The following HEPHL1 variants were observed in gnomAD, a reference collection of about 807,000 sequenced individuals.
HEPHL1 encodes the protein hephaestin like 1.
HEPHL1 carries 123 observed loss-of-function variants against 122.0 expected under a neutral mutation model. The ratio of observed to expected loss-of-function variants is 1.01; its 90% CI spans 0.87 to 1.17. The LOEUF (loss-of-function observed/expected upper bound fraction) is 1.17, where lower values mean the gene tolerates loss of function less well. Ranked by LOEUF, HEPHL1 falls within the 50% of genes most tolerant of loss-of-function variation. The probability of loss-of-function intolerance (pLI) is 0.00; values close to 1 mark genes in which losing one functional copy is unlikely to be tolerated. For synonymous variants in HEPHL1, 527 were observed against 508.9 expected (o/e 1.04, Z -0.48); for missense variants, 1,452 against 1,430.5 (o/e 1.01, Z -0.24).
In HEPHL1 at chr11:94,106,037, C is replaced by G. The variant is rs747252252; in HGVS notation, c.2952C>G (p.Asn984Lys). 6 of 1,597,522 alleles carry G rather than the reference C, an allele frequency of 3.8e-6. No individual in the cohort carries two copies. The East Asian group carries it at 1.3e-4, about 36-fold the overall frequency. ...IFGNLHGLIMNEDTMTNWYLL... is the reference protein window; with the variant it reads ...IFGNLHGLIMKEDTMTNWYLL... ...GGAATCTCCATGGCCTCATAATGAA[C>G]GAAGATACAATGACAAACTGGTATT... Residue 984 changes from asparagine (N) to lysine (K), a missense_variant, in exon 17 of 20, where the codon AAC (asparagine) becomes AAG (lysine). Coordinates refer to ENST00000315765, the MANE Select transcript of HEPHL1 (RefSeq NM_001098672.2).
rs1445633022 is a variant in HEPHL1, at chr11:94,113,964, C to T, written c.*2070C>T. ...ACTACACTCCTTGTTCTCAGCCTCA[C>T]TCTTGAGAAAATCAACTCTGCCTTC... On this transcript the variant is annotated 3_prime_UTR_variant, in exon 20 of 20. Coordinates refer to ENST00000315765, the MANE Select transcript of HEPHL1 (RefSeq NM_001098672.2). Among the ~76,000 whole-genome samples, 1 of 152,220 alleles carries T rather than the reference C, an allele frequency of 6.6e-6. No homozygotes were observed. Among genetic ancestry groups the T allele is most frequent in the African/African-American group, 2.4e-5 (1 of 41,458 alleles).
intron 9 of HEPHL1, among the ~76,000 whole-genome samples, chr11:94,075,696 T>G (rs2226927): frequency 0.28 from 43,267 of 151,980 alleles, 6,323 homozygotes; most frequent in South Asian, 0.39. Flanking sequence ...CTAATTGGAA[T>G]TATTCTTCTT....
intron 4 of HEPHL1, among the ~76,000 whole-genome samples, chr11:94,066,206 C>CA (rs1946033241): frequency 6.6e-6 from 1 of 151,058 alleles, no homozygotes; most frequent in Non-Finnish European, 1.5e-5. Context: ...AAAACAAAAA[C>CA]AAAAAACCCT....
intron 2 of HEPHL1, among the ~76,000 whole-genome samples, chr11:94,057,924 G>A (rs899753400): frequency 1.3e-5 from 2 of 150,160 alleles, no homozygotes; most frequent in African/African-American, 4.9e-5. Flanking sequence ...ATCAACTCTA[G>A]GTTATTTTTT....
intron 1 of HEPHL1, among the ~76,000 whole-genome samples, chr11:94,026,029 G>C (rs1211799258): frequency 6.6e-6 from 1 of 152,102 alleles, no homozygotes; most frequent in African/African-American, 2.4e-5. Flanking sequence ...TCCAGAAGTG[G>C]GCAGTCCAAG....
At chr11:94,057,155 T>C (rs1945944399) in intron 2 of HEPHL1, among the ~76,000 whole-genome samples, 1 of 152,108 alleles carries the variant, frequency 6.6e-6, no homozygotes, top group Admixed American at 6.6e-5. Flanking sequence ...TGATAGGTCA[T>C]TTTTGTCTAT....
In HEPHL1 at chr11:94,101,281, G is replaced by T; in HGVS notation, c.2521G>T (p.Gly841Cys). ...TAGGCCCTACTCCATCTCAGCCCAG[G>T]GTGTGGAGGAGATGGATAGTGGAAA... ...ASRPYSISAQ[G>C]VEEMDSGKQF... is the part of the protein sequence containing the mutation. The change falls in exon 14 of 20, where the codon GGT becomes TGT. Residue 841 changes from glycine (G) to cysteine (C), a missense_variant. By Grantham distance (159) the Gly-to-Cys change is radical (BLOSUM62 -3). Transcript: ENST00000315765. The T allele has an allele frequency of 6.2e-7, 1 of 1,613,886 alleles. No homozygotes were observed. Among genetic ancestry groups the T allele is most frequent in the Non-Finnish European group, 8.5e-7 (1 of 1,179,808 alleles).
intron 9 of HEPHL1, among the ~76,000 whole-genome samples, chr11:94,075,920 G>A (rs534998365): frequency 1.9e-4 from 29 of 152,256 alleles, no homozygotes; most frequent in Admixed American, 5.2e-4. Context: ...CCAACTTAGA[G>A]ATTTGAATTG....
chr11:94,092,116 C>T (rs151238120), intron 12 of HEPHL1, among the ~76,000 whole-genome samples: 2,281 of 152,236 alleles, frequency 0.015, 17 homozygotes, highest in African/African-American at 0.024. Context: ...AGGAACAATT[C>T]CACCCAACCT....
intron 2 of HEPHL1, chr11:94,055,774 A>G (rs2134422170): frequency 2.5e-6 from 1 of 398,854 alleles, no homozygotes; most frequent in Non-Finnish European, 4.8e-6. Context: ...GTAGCAGTCA[A>G]CGATAATTGG....
In HEPHL1 at chr11:94,036,729, G is replaced by C. The variant is rs201077806; in HGVS notation, c.171-8944G>C. Among the ~76,000 whole-genome samples the C allele has an allele frequency of 5.9e-4, 90 of 151,728 alleles. No individual in the cohort carries two copies. In the East Asian group the frequency reaches 9.7e-3, roughly 16 times the overall value. ...TGGCAGGCGCCTGTAGTCCCAGCTA[G>C]TCTGGAGGCTGAGGCAGGAGAACGG... On this transcript the variant is annotated intron_variant, in intron 1 of 19. Coordinates refer to ENST00000315765, the MANE Select transcript of HEPHL1 (RefSeq NM_001098672.2).
chr11:94,097,555 C>T (rs1946328301), intron 13 of HEPHL1, among the ~76,000 whole-genome samples: 1 of 152,094 alleles, frequency 6.6e-6, no homozygotes, highest in African/African-American at 2.4e-5. Context: ...GAGCTGAGTT[C>T]AATTCCTGGA....
At chr11:94,023,203 CA>C (rs1188134862) in intron 1 of HEPHL1, among the ~76,000 whole-genome samples, 1 of 152,212 alleles carries the variant, frequency 6.6e-6, no homozygotes, top group Non-Finnish European at 1.5e-5. Context: ...TATTTCTTTT[CA>C]CCACACAATC....
intron 1 of HEPHL1, among the ~76,000 whole-genome samples, chr11:94,044,004 C>G (rs1281411111): frequency 6.6e-6 from 1 of 151,904 alleles, no homozygotes; most frequent in Non-Finnish European, 1.5e-5. Flanking sequence ...GATGTGGCCT[C>G]TTACCCCCAA....
At chr11:94,085,773 A>G (rs936136470) in intron 10 of HEPHL1, among the ~76,000 whole-genome samples, 2 of 152,216 alleles carry the variant, frequency 1.3e-5, no homozygotes, top group African/African-American at 2.4e-5. Flanking sequence ...TGTGTTGTTA[A>G]AGATAACATT....
At chr11:94,076,804 GTC>G (rs551021087) in intron 9 of HEPHL1, among the ~76,000 whole-genome samples, 174 of 152,224 alleles carry the variant, frequency 1.1e-3, no homozygotes, top group African/African-American at 3.7e-3. Context: ...AAGTGTTTGC[GTC>G]TCTTTCCAGT....
intron 1 of HEPHL1, among the ~76,000 whole-genome samples, chr11:94,023,007 C>CA (rs1235305679): frequency 6.6e-6 from 1 of 152,214 alleles, no homozygotes; most frequent in Non-Finnish European, 1.5e-5. Flanking sequence ...GCCCACGTCA[C>CA]TATAGCTGTG....
chr11:94,101,173 C>G (rs1946364377), intron 13 of HEPHL1, 22 bp from the exon 14 acceptor site: 1 of 1,611,750 alleles, frequency 6.2e-7, no homozygotes. Flanking sequence ...ATAATGCACA[C>G]AGGCCTGTGT....
At position 94,045,749 on chromosome 11, in the gene HEPHL1, A is replaced by G; in HGVS notation, c.247A>G (p.Thr83Ala). 1 of 1,613,834 alleles carries G rather than the reference A, an allele frequency of 6.2e-7. No homozygotes were observed. The highest frequency in any genetic ancestry group is 1.7e-5 in the Admixed American group (1 of 59,960). Residue 83 changes from threonine (T) to alanine (A), a missense_variant, in exon 2 of 20, where the codon ACG becomes GCG. Coordinates refer to ENST00000315765, the MANE Select transcript of HEPHL1 (RefSeq NM_001098672.2). Reference protein sequence around the residue: ...IYKKAVYRRFTDGTYSIEIPK... With the variant: ...IYKKAVYRRFADGTYSIEIPK... Reference sequence around the variant, plus strand: ...CAAAAAGGCTGTTTACAGACGCTTCACGGATGGAACCTACTCCATAGAGAT... The same window carrying G: ...CAAAAAGGCTGTTTACAGACGCTTCGCGGATGGAACCTACTCCATAGAGAT...
Sources: gnomAD v4.1 joint callset for allele counts (sites outside exome capture counted in the v4.1 genomes callset) on GRCh38, gnomAD v4.1.1 for gene constraint, MANE v1.5 for transcripts, NCBI Gene and HGNC (gene_info 2026-07-23, HGNC 2026-07-21) for gene names.